CHD9NB: variants seen among roughly 807,000 people sequenced by gnomAD.
The protein encoded by CHD9NB is CHD9 neighbor, also known as CHD9 neighbor protein.
chr16:53,038,137 C>T, the CHD9NB span, among the ~76,000 whole-genome samples: 1 of 152,076 alleles, frequency 6.6e-6, no homozygotes, highest in Non-Finnish European at 1.5e-5. Flanking sequence ...AGATGGATGT[C>T]CCAGCTCAAG....
chr16:53,048,084 GA>G, the CHD9NB span, among the ~76,000 whole-genome samples: 12 of 151,320 alleles, frequency 7.9e-5, no homozygotes, highest in South Asian at 1.0e-3. Flanking sequence ...AGGAAGGAAA[GA>G]AAAAAAATCA....
chr16:53,046,993 G>T, the CHD9NB span, among the ~76,000 whole-genome samples: 3 of 152,130 alleles, frequency 2.0e-5, no homozygotes, highest in Admixed American at 6.6e-5. Flanking sequence ...CCTAGGAATA[G>T]AATATGACCA....
the CHD9NB span, among the ~76,000 whole-genome samples, chr16:53,047,442 A>T: frequency 6.6e-6 from 1 of 152,180 alleles, no homozygotes; most frequent in Non-Finnish European, 1.5e-5. Context: ...GAAGTTCATG[A>T]GCAAGGTGCC....
the CHD9NB span, among the ~76,000 whole-genome samples, chr16:53,051,933 C>T: frequency 1.8e-3 from 267 of 151,298 alleles, 2 homozygotes; most frequent in Non-Finnish European, 2.9e-3. Flanking sequence ...TCCAGATTCA[C>T]GTTCTGGGTA....
chr16:53,042,486 CCT>C, the CHD9NB span, among the ~76,000 whole-genome samples: 3 of 150,088 alleles, frequency 2.0e-5, no homozygotes, highest in African/African-American at 4.9e-5. Flanking sequence ...CTACCTCTTT[CCT>C]CTTTCTCTCC....
the CHD9NB span, among the ~76,000 whole-genome samples, chr16:53,049,938 T>C: frequency 6.6e-5 from 10 of 152,206 alleles, no homozygotes; most frequent in African/African-American, 2.4e-4. Flanking sequence ...GCACGGTGGC[T>C]CACGTCTGTA....
chr16:53,044,311 C>T, the CHD9NB span: 3 of 396,476 alleles, frequency 7.6e-6, no homozygotes, highest in African/African-American at 2.1e-5. Context: ...GGAGACGCCC[C>T]GCTGTGCATA....
chr16:53,043,902 AG>A, the CHD9NB span: 1 of 397,820 alleles, frequency 2.5e-6, no homozygotes, highest in African/African-American at 2.1e-5. Context: ...CTCTCCTCCC[AG>A]TGATCGGAGC....
chr16:53,042,127 G>T, the CHD9NB span, among the ~76,000 whole-genome samples: 1 of 152,002 alleles, frequency 6.6e-6, no homozygotes, highest in South Asian at 2.1e-4. Context: ...CAAAAAGAAG[G>T]GTCCTTTGCA....
the CHD9NB span, chr16:53,035,956 C>T: frequency 1.3e-5 from 2 of 149,840 alleles, no homozygotes; most frequent in African/African-American, 5.0e-5. Flanking sequence ...CAGAGTGAGA[C>T]CCTTTCTAAA....
chr16:53,041,096 G>C, the CHD9NB span, among the ~76,000 whole-genome samples: 1 of 152,140 alleles, frequency 6.6e-6, no homozygotes, highest in African/African-American at 2.4e-5. Context: ...GATGGATAAT[G>C]GATGGAAAGA....
the CHD9NB span, among the ~76,000 whole-genome samples, chr16:53,042,457 C>T: frequency 2.0e-5 from 3 of 150,180 alleles, no homozygotes; most frequent in South Asian, 6.4e-4. Flanking sequence ...CTCTCTCCTC[C>T]CTCCTCTTCT....
chr16:53,050,896 T>TTC, the CHD9NB span, among the ~76,000 whole-genome samples: 1 of 90,752 alleles, frequency 1.1e-5, no homozygotes, highest in East Asian at 2.8e-4. Flanking sequence ...CCTCACCCTC[T>TTC]TTTTTTTTTG....
the CHD9NB span, among the ~76,000 whole-genome samples, chr16:53,051,791 A>G: frequency 1.4e-5 from 2 of 139,264 alleles, no homozygotes; most frequent in African/African-American, 5.6e-5. Flanking sequence ...ATATATATAT[A>G]TATATATATA....
the CHD9NB span, among the ~76,000 whole-genome samples, chr16:53,044,484 C>T: frequency 6.6e-6 from 1 of 152,222 alleles, no homozygotes. Context: ...CCTGTAAACA[C>T]CAGCCCCTAT....
At chr16:53,051,780 TA>T in the CHD9NB span, among the ~76,000 whole-genome samples, 1 of 34,598 alleles carries the variant, frequency 2.9e-5, no homozygotes, top group Non-Finnish European at 1.3e-4. Context: ...TATATATATA[TA>T]TATATATATA....
the CHD9NB span, among the ~76,000 whole-genome samples, chr16:53,049,648 G>A: frequency 9.9e-5 from 15 of 152,152 alleles, no homozygotes; most frequent in African/African-American, 3.6e-4. Context: ...GGACCTAGAA[G>A]GATGCGCAGA....
the CHD9NB span, among the ~76,000 whole-genome samples, chr16:53,040,126 A>G: frequency 2.6e-5 from 4 of 151,918 alleles, no homozygotes; most frequent in East Asian, 1.9e-4. Flanking sequence ...GTGCATGGTC[A>G]TGGTGCAATC....
At chr16:53,046,467 A>G in the CHD9NB span, among the ~76,000 whole-genome samples, 1 of 151,830 alleles carries the variant, frequency 6.6e-6, no homozygotes, top group African/African-American at 2.4e-5. Context: ...ACTTGAACCC[A>G]GGAGCTCAAG....
Sources: allele counts gnomAD v4.1 joint callset (sites outside exome capture counted in the v4.1 genomes callset), GRCh38; gene constraint gnomAD v4.1.1; transcripts MANE v1.5; gene names NCBI Gene and HGNC (gene_info 2026-07-23, HGNC 2026-07-21).